PRCD: variants seen among roughly 807,000 people sequenced by gnomAD.
PRCD encodes the protein photoreceptor disk component PRCD.
In PRCD, 12 loss-of-function variants were observed where a neutral mutation model predicts 10.1. The observed-to-expected ratio is 1.18, with a 90% CI of 0.76 to 1.92. PRCD has a LOEUF of 1.92. Among genes scored for constraint, PRCD ranks in the 40% most tolerant of loss-of-function variants. PRCD has a pLI of 0.00. For missense variants in PRCD, 61 were observed against 72.2 expected (o/e 0.84, Z 0.56); for synonymous variants, 31 against 26.2 (o/e 1.18, Z -0.56).
chr17:76,539,155 C>T (rs751252921), upstream of PRCD, among the ~76,000 whole-genome samples: 2 of 152,142 alleles, frequency 1.3e-5, no homozygotes, highest in South Asian at 4.1e-4. Context: ...TTCAGGTTCT[C>T]ACACCACTCC....
upstream of PRCD, among the ~76,000 whole-genome samples, chr17:76,536,151 G>A (rs931048454): frequency 2.0e-5 from 3 of 152,150 alleles, no homozygotes; most frequent in African/African-American, 7.2e-5. Context: ...CTGGGCTTGG[G>A]GGCTGCTGAG....
At chr17:76,547,043 G>A (rs1381589811), downstream of PRCD, 3 of 152,228 alleles carry the variant, frequency 2.0e-5, no homozygotes, top group Admixed American at 6.5e-5. Flanking sequence ...CTGTGGTCCC[G>A]CCCAGCCTGC....
downstream of PRCD, chr17:76,545,543 G>A: frequency 2.8e-6 from 1 of 353,364 alleles, no homozygotes; most frequent in Non-Finnish European, 5.6e-6. Flanking sequence ...GCTGGCTACT[G>A]TGAAATAACA....
rs552135600 is a variant in PRCD, at chr17:76,533,484, C to T, written n.45+5651C>T. 4.3e-3 allele frequency among the ~76,000 whole-genome samples: 651 copies of T among 152,250 alleles called. 2 individuals carry two copies. Among genetic ancestry groups the T allele is most frequent in the South Asian group, 0.014 (67 of 4,830 alleles). ...TCACGCCTATAATCCTAGCACTTTA[C>T]GAGGCCGAGGCGGGTGGATTGCTTG... On this transcript the variant is annotated intron_variant and non_coding_transcript_variant, in intron 1 of 4. Transcript: ENST00000397633. The surrounding 1 kb of genome is among the most constrained non-coding windows in gnomAD (Gnocchi z 4.5).
downstream of PRCD, among the ~76,000 whole-genome samples, chr17:76,549,503 C>T (rs973499732): frequency 6.6e-6 from 1 of 152,164 alleles, no homozygotes; most frequent in Non-Finnish European, 1.5e-5. Context: ...AAGATGTCAC[C>T]CTGTCATACA....
Position 76,530,223 on chromosome 17 carries a change from C to T in PRCD, n.45+2390C>T, listed in dbSNP as rs2074819646. ...CCTTCCTACTCCAGCCCTGCCTCCG[C>T]CTCTCCATTCAGCTCCCAGAGTCAG... is the stretch of plus-strand genomic sequence containing the variant. On this transcript the variant is annotated intron_variant and non_coding_transcript_variant, in intron 1 of 4. Transcript: ENST00000397633. The surrounding 1 kb of genome is among the most constrained non-coding windows in gnomAD (Gnocchi z 6.1). 6.6e-6 allele frequency among the ~76,000 whole-genome samples: 1 copy of T among 152,176 alleles called. No individual in the cohort carries two copies. The highest frequency in any genetic ancestry group is 1.5e-5 in the Non-Finnish European group (1 of 68,024).
chr17:76,528,584 C>T lies in PRCD; in HGVS notation n.45+751C>T, dbSNP rs142721826. On this transcript the variant is annotated intron_variant and non_coding_transcript_variant, in intron 1 of 4. Transcript: ENST00000397633. The surrounding 1 kb of genome is among the most constrained non-coding windows in gnomAD (Gnocchi z 5.8). The stretch of plus-strand genomic sequence containing the variant: ...GGGGGTGGAGTTAGGGGTCCTACGG[C>T]CCCGAAGAGGGCAGTGTGGCCGGTG... 6.2e-4 allele frequency: 804 copies of T among 1,287,306 alleles called. 18 individuals carry two copies. In the Admixed American group the frequency reaches 0.029, roughly 46 times the overall value. The allele number at this position is 1,287,306 out of a possible 1,614,324, so 79.7% of individuals were successfully genotyped here. A position where few individuals can be genotyped will look rare whatever the true frequency, so the allele number is the denominator to read the frequency against.
In PRCD at chr17:76,540,634, T is replaced by C; in HGVS notation, c.143+61T>C. On this transcript the variant is annotated intron_variant, in intron 2 of 4. Coordinates refer to ENST00000592014, the MANE Select transcript of PRCD (RefSeq NM_001077620.3). This position sits in a 1 kb window ranked among gnomAD's most constrained non-coding sequence, Gnocchi z 5.0. ...CTGCCAAGGAAGCTGTGGCTGTGCA[T>C]GCCTGGGGGTGCACGTGTGTGCCTG... 4 of 1,501,548 alleles carry C rather than the reference T, an allele frequency of 2.7e-6. No individual in the cohort carries two copies. Among genetic ancestry groups the C allele is most frequent in the Non-Finnish European group, 3.7e-6 (4 of 1,081,534 alleles). The allele number at this position is 1,501,548 out of a possible 1,614,324, so 93.0% of individuals were successfully genotyped here.
In PRCD at chr17:76,529,906, C is replaced by T. The variant is rs369037125; in HGVS notation, n.45+2073C>T. The T allele has an allele frequency of 2.4e-5, 24 of 984,850 alleles. No individual in the cohort carries two copies. In the South Asian group the frequency reaches 6.6e-4, roughly 27 times the overall value. The allele number at this position is 984,850 out of a possible 1,614,324, so 61.0% of individuals were successfully genotyped here. On this transcript the variant is annotated intron_variant and non_coding_transcript_variant, in intron 1 of 4. Transcript: ENST00000397633. ...CTCCACTCTCTTGGGGTGGTGCTGA[C>T]GGGAGAGGGGGGAGGGGAGCAGGAG...
intron 1 of PRCD, among the ~76,000 whole-genome samples, chr17:76,534,808 C>A (rs974485882): frequency 6.6e-6 from 1 of 152,190 alleles, no homozygotes; most frequent in African/African-American, 2.4e-5. Context: ...CGGGTTGTGG[C>A]CCTGAGGAAT....
rs1419208353 is a variant in PRCD at position 76,530,142 on chromosome 17, G to A, written n.45+2309G>A. 3 of 965,364 alleles carry A rather than the reference G, an allele frequency of 3.1e-6. No individual in the cohort carries two copies. The highest frequency in any genetic ancestry group is 1.8e-5 in the African/African-American group (1 of 56,702). The allele number at this position is 965,364 out of a possible 1,614,324, so 59.8% of individuals were successfully genotyped here. On this transcript the variant is annotated intron_variant and non_coding_transcript_variant, in intron 1 of 4. Transcript: ENST00000397633. The surrounding 1 kb of genome is among the most constrained non-coding windows in gnomAD (Gnocchi z 6.1). ...CCACGGGAATGTTTCTCTACCACGC[G>A]TGTCCCGGGCTGCTGGCTGACCTCT... is the stretch of plus-strand genomic sequence containing the variant.
chr17:76,550,873 C>T (rs75361256), intron 1 of PRCD: 1 of 152,220 alleles, frequency 6.6e-6, no homozygotes, highest in African/African-American at 2.4e-5. Context: ...TTGCGCCAGG[C>T]GCTGTGCTAA....
intron 1 of PRCD, among the ~76,000 whole-genome samples, chr17:76,534,146 T>TTCTCTCTCTCTCTCTCTCTCTCTCTC (rs71158013): frequency 7.8e-5 from 10 of 129,006 alleles, no homozygotes; most frequent in South Asian, 5.6e-4. Flanking sequence ...CTCTTTCTCT[T>TTCTCTCTCTCTCTCTCTCTCTCTCTC]TCTCTCTCTC....
Position 76,530,043 on chromosome 17 carries a change from G to A in PRCD, n.45+2210G>A, listed in dbSNP as rs375977503. On this transcript the variant is annotated intron_variant and non_coding_transcript_variant, in intron 1 of 4. Coordinates refer to the PRCD transcript ENST00000397633. This position sits in a 1 kb window ranked among gnomAD's most constrained non-coding sequence, Gnocchi z 6.1. ...GTGCCTGTGAACAGAAGGGCCGGCA[G>A]TCTTGGGGGCCCGTGCAGAGCCCGG... 1.0e-6 allele frequency: 1 copy of A among 985,316 alleles called. No individual in the cohort carries two copies. The highest frequency in any genetic ancestry group is 4.7e-5 in the South Asian group (1 of 21,298). 61.0% of individuals were successfully genotyped at this position (985,316 alleles called of 1,614,324 possible). A position where few individuals can be genotyped will look rare whatever the true frequency, so the allele number is the denominator to read the frequency against.
At chr17:76,535,668 G>A (rs981623884), upstream of PRCD, among the ~76,000 whole-genome samples, 9 of 152,168 alleles carry the variant, frequency 5.9e-5, 1 homozygote, top group Admixed American at 3.9e-4. Context: ...CAGGAGTGGG[G>A]AACTGGAAGA....
chr17:76,549,956 T>C (rs1017936777), downstream of PRCD: 3 of 150,664 alleles, frequency 2.0e-5, no homozygotes, highest in South Asian at 2.1e-4. Context: ...TTTTTGTTTG[T>C]TTTTTTTTCT....
In PRCD at chr17:76,528,759, G is replaced by A. The variant is rs2143063978; in HGVS notation, n.45+926G>A. 2.0e-6 allele frequency: 2 copies of A among 1,016,388 alleles called. No individual in the cohort carries two copies. The highest frequency in any genetic ancestry group is 3.3e-5 in the East Asian group (1 of 30,656). 63.0% of individuals were successfully genotyped at this position (1,016,388 alleles called of 1,614,324 possible). On this transcript the variant is annotated intron_variant and non_coding_transcript_variant, in intron 1 of 4. Transcript: ENST00000397633. The surrounding 1 kb of genome is among the most constrained non-coding windows in gnomAD (Gnocchi z 5.8). ...AGTTGAAAGCAACCGTGAGACCCAA[G>A]TTCTAGTCTCCGTCCTGCTACGAAC...
chr17:76,536,370 G>A (rs1024580759), upstream of PRCD, among the ~76,000 whole-genome samples: 7 of 152,250 alleles, frequency 4.6e-5, no homozygotes, highest in South Asian at 2.1e-4. Context: ...CTTCCAGAGC[G>A]AGGCTTCACC....
In PRCD at chr17:76,531,620, A is replaced by G; in HGVS notation, n.45+3787A>G. The G allele has an allele frequency of 1.9e-6, 3 of 1,613,276 alleles. No homozygotes were observed. The highest frequency in any genetic ancestry group is 2.2e-5 in the East Asian group (1 of 44,844). The stretch of plus-strand genomic sequence containing the variant: ...CTTCCGCAGCTGGGGGCTCCGCTCC[A>G]TCTCCAGGGGATCCTCCATGTGCTT... On this transcript the variant is annotated intron_variant and non_coding_transcript_variant, in intron 1 of 4. Transcript: ENST00000397633. The surrounding 1 kb of genome is among the most constrained non-coding windows in gnomAD (Gnocchi z 7.4).
Sources: allele counts gnomAD v4.1 joint callset (sites outside exome capture counted in the v4.1 genomes callset), GRCh38; gene constraint gnomAD v4.1.1; non-coding constraint Gnocchi (gnomAD v3.1); transcripts MANE v1.5; gene names NCBI Gene and HGNC (gene_info 2026-07-23, HGNC 2026-07-21).